The following ADAMTS8 variants were observed in gnomAD, a reference collection of about 807,000 sequenced individuals.
The protein encoded by ADAMTS8 is ADAM metallopeptidase with thrombospondin type 1 motif 8.
ADAMTS8 carries 50 observed loss-of-function variants against 64.4 expected under a neutral mutation model. The observed-to-expected ratio is 0.78, with a 90% CI of 0.62 to 0.98. The LOEUF (loss-of-function observed/expected upper bound fraction) is 0.98. ADAMTS8 is among the 50% of genes least tolerant of loss of function. The pLI is 0.00. For missense variants in ADAMTS8, 1,192 were observed against 1,208.2 expected (o/e 0.99, Z 0.20); for synonymous variants, 556 against 533.6 (o/e 1.04, Z -0.58).
At position 130,428,405 on chromosome 11, in the gene ADAMTS8, G is replaced by A. The variant is rs1487731444; in HGVS notation, c.-119C>T. On this transcript the variant is annotated 5_prime_UTR_variant, in exon 1 of 9. Transcript: ENST00000257359. ...CCAGGAAAAGCGGAATCAATCGGGTGCAAGGCCGACTCGGCCCGCGGGGCC... is the reference window on the plus strand; with the variant it reads ...CCAGGAAAAGCGGAATCAATCGGGTACAAGGCCGACTCGGCCCGCGGGGCC... 1.8e-6 allele frequency: 2 copies of A among 1,128,892 alleles called. No homozygotes were observed. The highest frequency in any genetic ancestry group is 2.2e-6 in the Non-Finnish European group (2 of 919,108). 69.9% of individuals were successfully genotyped at this position (1,128,892 alleles called of 1,614,324 possible).
At chr11:130,425,757 CG>C (rs1687057179) in intron 1 of ADAMTS8, among the ~76,000 whole-genome samples, 1 of 152,088 alleles carries the variant, frequency 6.6e-6, no homozygotes, top group Non-Finnish European at 1.5e-5. Flanking sequence ...CCCACCACCA[CG>C]CCTGGCTATT....
At position 130,408,916 on chromosome 11, in the gene ADAMTS8, CACT is replaced by C; in HGVS notation, c.1772_1774del (p.Gln591_Cys592delinsArg). On this transcript the variant is annotated inframe_deletion, in exon 7 of 9. Transcript: ENST00000257359. The stretch of plus-strand genomic sequence containing the variant: ...GTAATTGTAGGCATTATACTTCTCA[CACT>C]GCTGCTCCCTGAAGCTTTTCCCTAG... 3 of 1,563,974 alleles carry C rather than the reference CACT, an allele frequency of 1.9e-6. No individual in the cohort carries two copies. The South Asian group carries it at 3.6e-5, about 19-fold the overall frequency.
Position 130,428,308 on chromosome 11 carries a change from G to A in ADAMTS8, c.-22C>T, listed in dbSNP as rs1410260550. 6 of 1,251,254 alleles carry A rather than the reference G, an allele frequency of 4.8e-6. No individual in the cohort carries two copies. In the Admixed American group the frequency reaches 1.5e-4, roughly 30 times the overall value. 77.5% of individuals were successfully genotyped at this position (1,251,254 alleles called of 1,614,324 possible). Reference sequence around the variant, plus strand: ...GCATGGGGGCTGCGGCGGTGGCTGCGCGCAGGAGAGGGAAGAAGCCCGCCA... The same window carrying A: ...GCATGGGGGCTGCGGCGGTGGCTGCACGCAGGAGAGGGAAGAAGCCCGCCA... On this transcript the variant is annotated 5_prime_UTR_variant, in exon 1 of 9. Transcript: ENST00000257359.
intron 1 of ADAMTS8, among the ~76,000 whole-genome samples, chr11:130,427,136 C>G (rs1862177075): frequency 6.6e-6 from 1 of 152,274 alleles, no homozygotes; most frequent in Non-Finnish European, 1.5e-5. Context: ...CCCTGGGAGC[C>G]TCTCAGATCT....
At chr11:130,423,797 C>T (rs1004776893) in intron 1 of ADAMTS8, among the ~76,000 whole-genome samples, 7 of 152,204 alleles carry the variant, frequency 4.6e-5, no homozygotes, top group Non-Finnish European at 7.3e-5. Flanking sequence ...CATCTCGCCC[C>T]GGGTTCACAC....
Position 130,417,055 on chromosome 11 carries a change from C to T in ADAMTS8, c.981G>A (p.Gly327=). 6.2e-7 allele frequency: 1 copy of T among 1,613,946 alleles called. No homozygotes were observed. The highest frequency in any genetic ancestry group is 2.2e-5 in the East Asian group (1 of 44,852). The change falls in exon 3 of 9, where the codon GGG becomes GGA. Residue 327 remains glycine (G), a synonymous_variant. Transcript: ENST00000257359. ...LTRQNFCGQE[G]LCDTLGVADI... ...CTGCCACACCCAGGGTGTCACACAG[C>T]CCCTCCTGCCCACAGAAGTTCTGCG...
At chr11:130,425,754 C>T (rs988461816) in intron 1 of ADAMTS8, among the ~76,000 whole-genome samples, 5 of 152,090 alleles carry the variant, frequency 3.3e-5, no homozygotes, top group African/African-American at 1.2e-4. Flanking sequence ...GCGCCCACCA[C>T]CACGCCTGGC....
chr11:130,414,939 CT>C, intron 4 of ADAMTS8, 107 bp from the exon 5 acceptor site: 1 of 1,204,728 alleles, frequency 8.3e-7, no homozygotes, highest in Non-Finnish European at 1.1e-6. Flanking sequence ...GTCACGACTT[CT>C]TGACCTCCAA....
chr11:130,425,176 C>T (rs1250777088), intron 1 of ADAMTS8, among the ~76,000 whole-genome samples: 2 of 152,086 alleles, frequency 1.3e-5, no homozygotes, highest in Non-Finnish European at 2.9e-5. Flanking sequence ...CTGGGTGTCT[C>T]TGACACAGAG....
At position 130,416,091 on chromosome 11, in the gene ADAMTS8, AG is replaced by A; in HGVS notation, c.1264+71del. ...GGGCCCTGTGAGGAGGCACAGCTGGAGGGGGTCTCTGCGCCAGCACCAGTGG... is the reference window on the plus strand; with the variant it reads ...GGGCCCTGTGAGGAGGCACAGCTGGAGGGGTCTCTGCGCCAGCACCAGTGG... On this transcript the variant is annotated intron_variant, in intron 4 of 8. Coordinates refer to ENST00000257359, the MANE Select transcript of ADAMTS8 (RefSeq NM_007037.6). The surrounding 1 kb of genome is among the most constrained non-coding windows in gnomAD (Gnocchi z 4.8). 6.8e-7 allele frequency: 1 copy of A among 1,461,490 alleles called. No homozygotes were observed. Among genetic ancestry groups the A allele is most frequent in the Non-Finnish European group, 9.1e-7 (1 of 1,099,404 alleles). 90.5% of individuals were successfully genotyped at this position (1,461,490 alleles called of 1,614,324 possible).
intron 5 of ADAMTS8, among the ~76,000 whole-genome samples, chr11:130,413,523 A>G (rs1429954472): frequency 6.6e-6 from 1 of 152,324 alleles, no homozygotes; most frequent in Non-Finnish European, 1.5e-5. Flanking sequence ...ATGCTGTTTC[A>G]TAGTGATGGC....
At chr11:130,421,298 G>C (rs951822549) in intron 1 of ADAMTS8, among the ~76,000 whole-genome samples, 2 of 152,196 alleles carry the variant, frequency 1.3e-5, no homozygotes, top group Non-Finnish European at 2.9e-5. Flanking sequence ...TTTTCATGCA[G>C]AATAAACTGC....
At position 130,405,328 on chromosome 11, in the gene ADAMTS8, G is replaced by A. The variant is rs577771936; in HGVS notation, c.*230C>T. 11 of 1,322,608 alleles carry A rather than the reference G, an allele frequency of 8.3e-6. No individual in the cohort carries two copies. The highest frequency in any genetic ancestry group is 2.7e-5 in the East Asian group (1 of 36,674). 81.9% of individuals were successfully genotyped at this position (1,322,608 alleles called of 1,614,324 possible). ...TAACCTATGCCCTCTACTTGAACCC[G>A]AGCAAGGTCCAGTCCACTGGACAGT... On this transcript the variant is annotated 3_prime_UTR_variant, in exon 9 of 9. Coordinates refer to ENST00000257359, the MANE Select transcript of ADAMTS8 (RefSeq NM_007037.6).
chr11:130,408,643 C>T lies in ADAMTS8; in HGVS notation c.1924-4G>A. On this transcript the variant is annotated splice_polypyrimidine_tract_variant and splice_region_variant and intron_variant, in intron 7 of 8. Coordinates refer to ENST00000257359, the MANE Select transcript of ADAMTS8 (RefSeq NM_007037.6). ...CACACAGGGTGCCATCAATCACCTG[C>T]AACGGGGAAAGGGAAGGTGAGGGAG... 1 of 1,613,916 alleles carries T rather than the reference C, an allele frequency of 6.2e-7. No homozygotes were observed. Among genetic ancestry groups the T allele is most frequent in the Non-Finnish European group, 8.5e-7 (1 of 1,179,842 alleles).
chr11:130,408,982 G>A (rs1592128487), intron 6 of ADAMTS8, 42 bp from the exon 7 acceptor site: 2 of 1,503,070 alleles, frequency 1.3e-6, no homozygotes, highest in African/African-American at 2.8e-5. Flanking sequence ...CACCCATGCG[G>A]AAGCAGGAGC....
chr11:130,422,511 T>G (rs1592134502), intron 1 of ADAMTS8, among the ~76,000 whole-genome samples: 1 of 151,332 alleles, frequency 6.6e-6, no homozygotes, highest in Non-Finnish European at 1.5e-5. Context: ...TGGGGGGAGG[T>G]CAGGTGAGGA....
intron 1 of ADAMTS8, among the ~76,000 whole-genome samples, chr11:130,425,679 C>A (rs1039581787): frequency 6.6e-6 from 1 of 151,466 alleles, no homozygotes; most frequent in African/African-American, 2.4e-5. Flanking sequence ...CCGCTCACTG[C>A]AAGCTCTGCC....
rs572234396 is a variant in ADAMTS8 at position 130,416,829 on chromosome 11, G to A, written c.1096+111C>T. On this transcript the variant is annotated intron_variant, in intron 3 of 8. Coordinates refer to ENST00000257359, the MANE Select transcript of ADAMTS8 (RefSeq NM_007037.6). The surrounding 1 kb of genome is among the most constrained non-coding windows in gnomAD (Gnocchi z 4.8). ...ACAGTCACCCTGTCAAAATTAGGAG[G>A]AGCTATTCCTAAGCAAGGGCCGCAT... 2.7e-5 allele frequency: 41 copies of A among 1,510,598 alleles called. No individual in the cohort carries two copies. The African/African-American group carries it at 4.4e-4, about 16-fold the overall frequency. 93.6% of individuals were successfully genotyped at this position (1,510,598 alleles called of 1,614,324 possible). A position where few individuals can be genotyped will look rare whatever the true frequency, so the allele number is the denominator to read the frequency against.
At chr11:130,409,502 T>C (rs1861927193) in intron 6 of ADAMTS8, among the ~76,000 whole-genome samples, 1 of 152,218 alleles carries the variant, frequency 6.6e-6, no homozygotes, top group Admixed American at 6.5e-5. Flanking sequence ...CTGTCTTGAC[T>C]TTCATTTGCT....
Sources: gnomAD v4.1 joint callset for allele counts (sites outside exome capture counted in the v4.1 genomes callset) on GRCh38, gnomAD v4.1.1 for gene constraint, Gnocchi (gnomAD v3.1) non-coding constraint, MANE v1.5 for transcripts, NCBI Gene and HGNC (gene_info 2026-07-23, HGNC 2026-07-21) for gene names.